The following TGFBR3 variants were observed in gnomAD, a reference collection of about 807,000 sequenced individuals.
TGFBR3 encodes the protein transforming growth factor beta receptor 3.
Under a neutral mutation model 87.9 loss-of-function variants are expected in TGFBR3, and 46 were observed. The observed-to-expected ratio is 0.52, with a 90% CI of 0.41 to 0.67. The LOEUF is 0.67. Among genes scored for constraint, TGFBR3 ranks in the 30% least tolerant of loss-of-function variants. The probability of loss-of-function intolerance (pLI) is 0.00; values close to 1 mark genes in which losing one functional copy is unlikely to be tolerated. For missense variants in TGFBR3, 866 were observed against 1,041.9 expected (o/e 0.83, Z 2.32); for synonymous variants, 381 against 391.6 (o/e 0.97, Z 0.32).
chr1:91,752,015 G>A (rs1000677819), intron 4 of TGFBR3, among the ~76,000 whole-genome samples: 1 of 152,162 alleles, frequency 6.6e-6, no homozygotes, highest in Admixed American at 6.5e-5. Context: ...ATGAGGAAAC[G>A]AGGTCTGAGT....
intron 1 of TGFBR3, among the ~76,000 whole-genome samples, chr1:91,872,968 G>A (rs1438941329): frequency 1.3e-5 from 2 of 151,564 alleles, no homozygotes; most frequent in Non-Finnish European, 1.5e-5. Flanking sequence ...TTTTTGACGG[G>A]GTGGTGGGAG....
intron 2 of TGFBR3, among the ~76,000 whole-genome samples, chr1:91,820,772 C>T (rs1676420665): frequency 6.6e-6 from 1 of 152,150 alleles, no homozygotes; most frequent in East Asian, 1.9e-4. Context: ...GTTATTTGTA[C>T]AGACAGAAAT....
chr1:91,779,320 G>A (rs1253911318), intron 3 of TGFBR3, among the ~76,000 whole-genome samples: 3 of 152,244 alleles, frequency 2.0e-5, no homozygotes, highest in South Asian at 2.1e-4. Flanking sequence ...TTATTTAATC[G>A]TCACAGCAAC....
At chr1:91,777,751 T>C (rs1191234747) in intron 3 of TGFBR3, among the ~76,000 whole-genome samples, 1 of 152,218 alleles carries the variant, frequency 6.6e-6, no homozygotes, top group Non-Finnish European at 1.5e-5. Flanking sequence ...TACGTCTCCG[T>C]ACTTTCTGTT....
chr1:91,876,063 C>T (rs1369263798), intron 1 of TGFBR3, among the ~76,000 whole-genome samples: 1 of 151,638 alleles, frequency 6.6e-6, no homozygotes, highest in Non-Finnish European at 1.5e-5. Flanking sequence ...TGCAACTTTG[C>T]ACTCCGTACT....
chr1:91,883,560 T>C (rs1679181794), intron 1 of TGFBR3, among the ~76,000 whole-genome samples: 1 of 152,184 alleles, frequency 6.6e-6, no homozygotes, highest in African/African-American at 2.4e-5. Flanking sequence ...CTTATAGATA[T>C]CAACAGTGTG....
At chr1:91,791,823 C>T (rs1389721562) in intron 3 of TGFBR3, among the ~76,000 whole-genome samples, 1 of 152,168 alleles carries the variant, frequency 6.6e-6, no homozygotes, top group Non-Finnish European at 1.5e-5. Flanking sequence ...TTCAGGCTGA[C>T]GACAAGACTG....
chr1:91,712,395 T>C lies in TGFBR3; in HGVS notation c.2014A>G (p.Lys672Glu), dbSNP rs748078614. The change falls in exon 13 of 17, where the codon AAG (lysine) becomes GAG (glutamate). Residue 672 changes from lysine (K) to glutamate (E), a missense_variant. Transcript: ENST00000212355. ...TGCGGGATAGGAAAGTGCACTCTCT[T>C]GGGACTGTAGAATTTCACAGATTCA... ...KDESVKFYSP[K>E]RVHFPIPQAD... 3.2e-5 allele frequency: 51 copies of C among 1,614,116 alleles called. No individual in the cohort carries two copies. In the South Asian group the frequency reaches 4.2e-4, roughly 13 times the overall value.
chr1:91,897,235 G>T (rs781119393), intron 2 of TGFBR3, among the ~76,000 whole-genome samples: 1 of 152,208 alleles, frequency 6.6e-6, no homozygotes, highest in Non-Finnish European at 1.5e-5. Context: ...AATGTAGCCT[G>T]CGGGGGTATC....
rs528306858 is a variant in TGFBR3, at chr1:91,721,878, C to T, written c.1075+77G>A. The T allele has an allele frequency of 1.2e-4, 166 of 1,369,762 alleles. 3 individuals are homozygous for T. In the South Asian group the frequency reaches 2.1e-3, roughly 17 times the overall value. 84.9% of individuals were successfully genotyped at this position (1,369,762 alleles called of 1,614,324 possible). ...CAAGAGAAAAACAGCAACATATAAG[C>T]TGAAATGACAGTTCCTCACTGGAAA... is the stretch of plus-strand genomic sequence containing the variant. On this transcript the variant is annotated intron_variant, in intron 8 of 16. Coordinates refer to ENST00000212355, the MANE Select transcript of TGFBR3 (RefSeq NM_003243.5).
At chr1:91,695,356 T>C (rs1671397767) in intron 16 of TGFBR3, 1 of 367,018 alleles carries the variant, frequency 2.7e-6, no homozygotes, top group Admixed American at 3.9e-5. Context: ...AAGTCTTTGG[T>C]TTTGACGGAA....
At chr1:91,858,631 A>C (rs1005864683) in intron 2 of TGFBR3, among the ~76,000 whole-genome samples, 3 of 143,036 alleles carry the variant, frequency 2.1e-5, no homozygotes, top group Non-Finnish European at 4.7e-5. Context: ...AAAAAAAAAA[A>C]AACAAAATTT....
intron 12 of TGFBR3, among the ~76,000 whole-genome samples, chr1:91,712,850 A>G (rs1672030861): frequency 6.6e-6 from 1 of 152,246 alleles, no homozygotes; most frequent in African/African-American, 2.4e-5. Context: ...TAAAAATAAA[A>G]ACATATTTTG....
intron 2 of TGFBR3, among the ~76,000 whole-genome samples, chr1:91,817,491 T>C (rs1676276558): frequency 6.6e-6 from 1 of 152,236 alleles, no homozygotes; most frequent in South Asian, 2.1e-4. Context: ...CAGAAACTTC[T>C]AGAAGTGCTT....
chr1:91,820,286 A>G (rs1185275054), intron 2 of TGFBR3, among the ~76,000 whole-genome samples: 1 of 152,222 alleles, frequency 6.6e-6, no homozygotes, highest in African/African-American at 2.4e-5. Context: ...ATATCAATGT[A>G]AATACACCTA....
chr1:91,690,865 T>G (rs1041739395), intron 16 of TGFBR3, among the ~76,000 whole-genome samples: 3 of 152,176 alleles, frequency 2.0e-5, no homozygotes, highest in Non-Finnish European at 4.4e-5. Context: ...CTTAAAGAAG[T>G]TCACAATCAA....
chr1:91,720,569 G>A (rs1672331720), intron 8 of TGFBR3, among the ~76,000 whole-genome samples: 1 of 152,142 alleles, frequency 6.6e-6, no homozygotes, highest in Non-Finnish European at 1.5e-5. Flanking sequence ...CTACGCCCAG[G>A]TTGTACCCCA....
intron 3 of TGFBR3, among the ~76,000 whole-genome samples, chr1:91,792,339 A>G (rs1675225779): frequency 1.3e-5 from 2 of 152,174 alleles, no homozygotes; most frequent in South Asian, 4.1e-4. Flanking sequence ...GGGTGAAGTT[A>G]TTAAACCTGG....
chr1:91,878,281 GAAAA>G (rs11288871), intron 1 of TGFBR3, among the ~76,000 whole-genome samples: 1 of 123,618 alleles, frequency 8.1e-6, no homozygotes, highest in Non-Finnish European at 1.7e-5. Flanking sequence ...AGAATGAAAA[GAAAA>G]AAAAAAAAAA....
Sources: gnomAD v4.1 joint callset for allele counts (sites outside exome capture counted in the v4.1 genomes callset) on GRCh38, gnomAD v4.1.1 for gene constraint, MANE v1.5 for transcripts, NCBI Gene and HGNC (gene_info 2026-07-23, HGNC 2026-07-21) for gene names.